NOL4L: variants seen among roughly 807,000 people sequenced by gnomAD.
NOL4L encodes nucleolar protein 4-like.
In NOL4L, 7 loss-of-function variants were observed where a neutral mutation model predicts 64.5. The observed-to-expected ratio is 0.11, with a 90% confidence interval of 0.06 to 0.20. NOL4L has a LOEUF of 0.20. Among genes scored for constraint, NOL4L ranks in the 10% least tolerant of loss-of-function variants. The pLI, the probability that NOL4L is intolerant of heterozygous loss-of-function variation, is 1.00. For synonymous variants in NOL4L, 413 were observed against 401.0 expected (o/e 1.03, Z -0.36); for missense variants, 680 against 967.1 (o/e 0.70, Z 3.94).
intron 5 of NOL4L, among the ~76,000 whole-genome samples, chr20:32,466,992 T>G (rs565432977): frequency 3.1e-4 from 47 of 152,190 alleles, no homozygotes; most frequent in Admixed American, 5.2e-4. Flanking sequence ...GGGCATCACC[T>G]GAGGAGGACA....
chr20:32,447,023 G>A lies in NOL4L; in HGVS notation c.*573C>T, dbSNP rs2145415753. 1 of 330,682 alleles carries A rather than the reference G, an allele frequency of 3.0e-6. No individual in the cohort carries two copies. The highest frequency in any genetic ancestry group is 5.9e-6 in the Non-Finnish European group (1 of 170,584). 20.5% of individuals were successfully genotyped at this position (330,682 alleles called of 1,614,324 possible). On this transcript the variant is annotated 3_prime_UTR_variant, in exon 11 of 11. Coordinates refer to ENST00000621426, the MANE Select transcript of NOL4L (RefSeq NM_001256798.2). The stretch of plus-strand genomic sequence containing the variant: ...AGGCATGCAGAGGAACAGCCAGCCT[G>A]GCACCTGTCCTGCCCCTACTGGCCC...
At chr20:32,549,624 G>A (rs548800973) in intron 1 of NOL4L, among the ~76,000 whole-genome samples, 13 of 152,168 alleles carry the variant, frequency 8.5e-5, no homozygotes, top group Admixed American at 2.6e-4. Context: ...GTGATTGCCC[G>A]CTACTGTAAT....
At chr20:32,509,517 C>CAAAAAAAAAAAAAAAAA (rs71338441) in intron 4 of NOL4L, among the ~76,000 whole-genome samples, 1 of 62,844 alleles carries the variant, frequency 1.6e-5, no homozygotes, top group Admixed American at 2.1e-4. Context: ...GACTCTGCCT[C>CAAAAAAAAAAAAAAAAA]AAAAAAAAAA....
intron 1 of NOL4L, among the ~76,000 whole-genome samples, chr20:32,584,169 A>ACG (rs1980731264): frequency 8.5e-6 from 1 of 118,054 alleles, no homozygotes; most frequent in Non-Finnish European, 1.8e-5. Flanking sequence ...ACACACACAC[A>ACG]CCGCCCAGCC....
intron 2 of NOL4L, 81 bp downstream of exon 2, chr20:32,527,677 C>A (rs1227861082): frequency 4.1e-6 from 6 of 1,462,932 alleles, no homozygotes; most frequent in East Asian, 5.0e-5. Context: ...GCCCCGCCCC[C>A]CAAGCCCAAC....
In NOL4L at chr20:32,521,277, C is replaced by A. The variant is rs567727208; in HGVS notation, c.478-355G>T. On this transcript the variant is annotated intron_variant, in intron 2 of 10. Transcript: ENST00000621426. ...AAACATTGCTCTAGCGTAGGGTGAG[C>A]AGTTCCCCTCTTAGAGATGGATAGA... Among the ~76,000 whole-genome samples, 27 of 152,268 alleles carry A rather than the reference C, an allele frequency of 1.8e-4. No homozygotes were observed. In the South Asian group the frequency reaches 4.6e-3, roughly 26 times the overall value.
chr20:32,503,721 C>T (rs2017016119), intron 4 of NOL4L, among the ~76,000 whole-genome samples: 1 of 152,198 alleles, frequency 6.6e-6, no homozygotes, highest in Non-Finnish European at 1.5e-5. Flanking sequence ...AAAGATTCTG[C>T]CTCTTACAGC....
intron 4 of NOL4L, among the ~76,000 whole-genome samples, chr20:32,502,111 TAAC>T (rs1329379506): frequency 4.6e-5 from 7 of 152,020 alleles, no homozygotes; most frequent in Non-Finnish European, 5.9e-5. Context: ...AGCAAGAAAT[TAAC>T]AACAACAAAA....
At chr20:32,582,589 G>A (rs1048081372) in intron 1 of NOL4L, among the ~76,000 whole-genome samples, 1 of 150,880 alleles carries the variant, frequency 6.6e-6, no homozygotes, top group African/African-American at 2.4e-5. Context: ...GGTCTGGGGG[G>A]TCACCCCCCA....
At chr20:32,579,481 C>G (rs1338065195) in intron 1 of NOL4L, among the ~76,000 whole-genome samples, 1 of 152,192 alleles carries the variant, frequency 6.6e-6, no homozygotes, top group Non-Finnish European at 1.5e-5. Flanking sequence ...CCCCCAGCCA[C>G]AGGCTCCCCA....
chr20:32,480,512 G>C (rs2015650035), intron 4 of NOL4L, among the ~76,000 whole-genome samples: 2 of 152,260 alleles, frequency 1.3e-5, no homozygotes, highest in South Asian at 2.1e-4. Flanking sequence ...TCCCAAAGCG[G>C]AGTCTCTTCT....
At chr20:32,579,825 G>A (rs1000267794) in intron 1 of NOL4L, among the ~76,000 whole-genome samples, 4 of 152,018 alleles carry the variant, frequency 2.6e-5, no homozygotes, top group Admixed American at 2.0e-4. Flanking sequence ...AAATGCAAAT[G>A]GAGCCTGTGC....
intron 2 of NOL4L, 96 bp from the exon 3 acceptor site, chr20:32,521,018 C>T (rs2017913982): frequency 1.1e-5 from 7 of 649,024 alleles, no homozygotes; most frequent in Non-Finnish European, 1.8e-5. Flanking sequence ...GCAGGTGCTT[C>T]GGCTCTTGCA....
intron 1 of NOL4L, among the ~76,000 whole-genome samples, chr20:32,574,946 C>A (rs933915093): frequency 6.6e-6 from 1 of 152,104 alleles, no homozygotes; most frequent in East Asian, 1.9e-4. Context: ...GGGTTGCCTG[C>A]GACCCTCTAG....
chr20:32,457,396 TG>T lies in NOL4L; in HGVS notation c.842-1002del, dbSNP rs2013647461. ...GCTCCACACCTGCACCCAGAGTGGG[TG>T]GGGGAGGGGTGGTCACAGCGGGCCC... On this transcript the variant is annotated intron_variant, in intron 5 of 10. Transcript: ENST00000621426. Among the ~76,000 whole-genome samples the T allele has an allele frequency of 2.6e-5, 4 of 152,128 alleles. No individual in the cohort carries two copies. The South Asian group carries it at 8.3e-4, about 32-fold the overall frequency.
At chr20:32,455,355 G>A (rs1258526806) in intron 6 of NOL4L, among the ~76,000 whole-genome samples, 1 of 152,226 alleles carries the variant, frequency 6.6e-6, no homozygotes. Context: ...ACTCAGCACT[G>A]AGCCCATGGT....
At chr20:32,543,245 G>A (rs2018683411) in intron 1 of NOL4L, among the ~76,000 whole-genome samples, 1 of 152,184 alleles carries the variant, frequency 6.6e-6, no homozygotes. Flanking sequence ...GGTCTTGAAG[G>A]ATGCGTGGCA....
chr20:32,521,037 C>T (rs931081039), intron 2 of NOL4L, 115 bp from the exon 3 acceptor site: 1 of 593,194 alleles, frequency 1.7e-6, no homozygotes, highest in African/African-American at 1.9e-5. Flanking sequence ...CAAGGAAAGT[C>T]AGGGATTTGA....
chr20:32,482,839 T>G (rs973069771), intron 4 of NOL4L, among the ~76,000 whole-genome samples: 3 of 144,754 alleles, frequency 2.1e-5, no homozygotes, highest in Admixed American at 2.0e-4. Context: ...CCAAACACAG[T>G]CCACTTCCCT....
Sources: gnomAD v4.1 joint callset for allele counts (sites outside exome capture counted in the v4.1 genomes callset) on GRCh38, gnomAD v4.1.1 for gene constraint, MANE v1.5 for transcripts, NCBI Gene and HGNC (gene_info 2026-07-23, HGNC 2026-07-21) for gene names.